HCRTR2: variants seen among roughly 807,000 people sequenced by gnomAD.
The protein encoded by HCRTR2 is orexin receptor type 2.
In HCRTR2, 22 loss-of-function variants were observed where a neutral mutation model predicts 49.0. The observed-to-expected ratio is 0.45, with a 90% confidence interval of 0.32 to 0.64. HCRTR2 has a LOEUF of 0.64. Among genes scored for constraint, HCRTR2 ranks in the 30% least tolerant of loss-of-function variants. The pLI is 0.04. For missense variants in HCRTR2, 491 were observed against 559.4 expected, an observed-to-expected ratio of 0.88 and a Z score of 1.23; for synonymous variants, 236 against 205.3, an observed-to-expected ratio of 1.15 and a Z score of -1.28.
chr6:55,114,173 C>A (rs1420280812), intron 1 of HCRTR2, among the ~76,000 whole-genome samples: 1 of 151,702 alleles, frequency 6.6e-6, no homozygotes, highest in African/African-American at 2.4e-5. Flanking sequence ...GGGTACAGTG[C>A]ACACTGCTCA....
intron 2 of HCRTR2, among the ~76,000 whole-genome samples, chr6:55,252,807 T>C (rs1766577377): frequency 6.6e-6 from 1 of 152,076 alleles, no homozygotes; most frequent in African/African-American, 2.4e-5. Flanking sequence ...TGAAAAGCAA[T>C]CTGTTCCAAT....
intron 5 of HCRTR2, 79 bp downstream of exon 5, chr6:55,277,679 T>G: frequency 4.2e-6 from 4 of 948,716 alleles, no homozygotes; most frequent in Non-Finnish European, 6.5e-6. Context: ...TTTTTTTAAC[T>G]AAGCCAGAGA....
At chr6:55,254,791 A>G (rs1034547354) in intron 2 of HCRTR2, among the ~76,000 whole-genome samples, 5 of 151,160 alleles carry the variant, frequency 3.3e-5, no homozygotes, top group Non-Finnish European at 4.4e-5. Context: ...TGAGGGTATG[A>G]TTTCTTCCAA....
Position 55,255,196 on chromosome 6 carries a change from G to T in HCRTR2, c.463G>T (p.Ala155Ser). The T allele has an allele frequency of 6.2e-7, 1 of 1,613,948 alleles. No individual in the cohort carries two copies. The highest frequency in any genetic ancestry group is 1.7e-5 in the Admixed American group (1 of 59,982). ...CTGTATCGCCTTGGATCGGTGGTAT[G>T]CAATCTGTCACCCTTTGATGTTTAA... ...LSCIALDRWY[A>S]ICHPLMFKST... The change falls in exon 3 of 7, where the codon GCA (alanine) becomes TCA (serine). Residue 155 changes from alanine (A) to serine (S), a missense_variant. Transcript: ENST00000370862.
intron 1 of HCRTR2, among the ~76,000 whole-genome samples, chr6:55,241,482 A>C (rs2127306784): frequency 6.6e-6 from 1 of 152,218 alleles, no homozygotes; most frequent in African/African-American, 2.4e-5. Context: ...TATGTACATA[A>C]CAATCAATAA....
intron 1 of HCRTR2, among the ~76,000 whole-genome samples, chr6:55,152,031 G>A (rs1198800397): frequency 6.6e-6 from 1 of 151,946 alleles, no homozygotes; most frequent in Admixed American, 6.6e-5. Flanking sequence ...CAGACCTGCT[G>A]CCATCCAGGC....
intron 1 of HCRTR2, among the ~76,000 whole-genome samples, chr6:55,147,475 C>G (rs1764610569): frequency 6.6e-6 from 1 of 152,064 alleles, no homozygotes. Context: ...CATATAAACT[C>G]ACACCAACCT....
At chr6:55,280,254 C>A in intron 5 of HCRTR2, 69 bp from the exon 6 acceptor site, 1 of 1,053,864 alleles carries the variant, frequency 9.5e-7, no homozygotes, top group Admixed American at 1.8e-5. Flanking sequence ...CCATCCTCTA[C>A]CAATAGCCTT....
chr6:55,168,388 A>G (rs1441814003), intron 1 of HCRTR2, among the ~76,000 whole-genome samples: 1 of 152,202 alleles, frequency 6.6e-6, no homozygotes, highest in East Asian at 1.9e-4. Context: ...CACAGCTGGA[A>G]AATTGAAAAC....
chr6:55,253,194 GCACACACA>G (rs34614654), intron 2 of HCRTR2, among the ~76,000 whole-genome samples: 4 of 148,700 alleles, frequency 2.7e-5, no homozygotes, highest in Admixed American at 6.8e-5. Flanking sequence ...ACTTCATTTA[GCACACACA>G]CACACACACA....
intron 1 of HCRTR2, among the ~76,000 whole-genome samples, chr6:55,217,464 G>A (rs1765808935): frequency 6.6e-6 from 1 of 152,066 alleles, no homozygotes; most frequent in South Asian, 2.1e-4. Flanking sequence ...CATCATGAAT[G>A]CTTTGCTCCT....
chr6:55,130,132 G>A (rs1561981065), intron 1 of HCRTR2, among the ~76,000 whole-genome samples: 1 of 151,814 alleles, frequency 6.6e-6, no homozygotes. Flanking sequence ...CATTTCAGAG[G>A]CATTGATCTA....
intron 1 of HCRTR2, among the ~76,000 whole-genome samples, chr6:55,218,081 C>A (rs1765823009): frequency 6.6e-6 from 1 of 152,196 alleles, no homozygotes; most frequent in Non-Finnish European, 1.5e-5. Context: ...AGAGCAAGAA[C>A]AATAGCCAAA....
intron 1 of HCRTR2, 99 bp from the exon 2 acceptor site, chr6:55,248,540 A>T: frequency 1.0e-6 from 1 of 992,444 alleles, no homozygotes; most frequent in Non-Finnish European, 1.6e-6. Context: ...TTTTCTTTTT[A>T]AATACATATT....
At chr6:55,248,919 C>T (rs1014814308) in intron 2 of HCRTR2, 102 bp downstream of exon 2, 9 of 972,844 alleles carry the variant, frequency 9.3e-6, no homozygotes, top group African/African-American at 6.4e-5. Flanking sequence ...ATATATTTGC[C>T]TAAGGCATTG....
At chr6:55,130,195 T>C (rs534620226) in intron 1 of HCRTR2, among the ~76,000 whole-genome samples, 2 of 152,052 alleles carry the variant, frequency 1.3e-5, no homozygotes, top group South Asian at 2.1e-4. Context: ...CTCTAAATTA[T>C]GGACCTCTAT....
upstream of HCRTR2, among the ~76,000 whole-genome samples, chr6:55,173,446 C>T (rs1764980445): frequency 6.6e-6 from 1 of 152,106 alleles, no homozygotes; most frequent in African/African-American, 2.4e-5. Flanking sequence ...AATATTTTTA[C>T]CATGTTTATT....
At chr6:55,157,771 G>C (rs1316353037) in intron 1 of HCRTR2, among the ~76,000 whole-genome samples, 1 of 152,202 alleles carries the variant, frequency 6.6e-6, no homozygotes, top group African/African-American at 2.4e-5. Flanking sequence ...TCTTATCCAA[G>C]ACCTCTATGA....
At chr6:55,244,792 G>A (rs117822326) in intron 1 of HCRTR2, among the ~76,000 whole-genome samples, 11 of 151,910 alleles carry the variant, frequency 7.2e-5, no homozygotes, top group East Asian at 5.8e-4. Flanking sequence ...CTAGAGTTTC[G>A]GGTCTTACAT....
Sources: gnomAD v4.1 joint callset for allele counts (sites outside exome capture counted in the v4.1 genomes callset) on GRCh38, gnomAD v4.1.1 for gene constraint, MANE v1.5 for transcripts, NCBI Gene and HGNC (gene_info 2026-07-23, HGNC 2026-07-21) for gene names.